The following GRIK2 variants were observed in gnomAD, a reference collection of about 807,000 sequenced individuals.
The protein encoded by GRIK2 is glutamate ionotropic receptor kainate type subunit 2.
In GRIK2, 32 loss-of-function variants were observed where a neutral mutation model predicts 100.3. The observed-to-expected ratio is 0.32, with a 90% CI of 0.24 to 0.43. The LOEUF is 0.43. Ranked by LOEUF, GRIK2 falls within the 20% of genes least tolerant of loss-of-function variation. GRIK2 has a pLI of 1.00. For synonymous variants in GRIK2, 417 were observed against 389.4 expected (o/e 1.07, Z -0.83); for missense variants, 843 against 1,114.9 (o/e 0.76, Z 3.47).
Position 101,503,813 on chromosome 6 carries a change from ACT to A in GRIK2, c.115+104424_115+104425del, listed in dbSNP as rs541078023. ...TGCTTAGGACCTTTTTGCCAACCAA[ACT>A]CTATGCCTTCTTCCATGCTAGAACA... On this transcript the variant is annotated intron_variant, in intron 2 of 16. Coordinates refer to ENST00000369134, the MANE Select transcript of GRIK2 (RefSeq NM_021956.5). 9.7e-4 allele frequency among the ~76,000 whole-genome samples: 147 copies of A among 152,170 alleles called. 2 individuals carry two copies. The South Asian group carries it at 0.03, about 31-fold the overall frequency.
At chr6:101,896,997 AACACACACACACACAC>A (rs10588904) in intron 12 of GRIK2, among the ~76,000 whole-genome samples, 1 of 147,816 alleles carries the variant, frequency 6.8e-6, no homozygotes, top group East Asian at 2.0e-4. Context: ...CATTGTATTT[AACACACACACACACAC>A]ACACACACAC....
At chr6:101,770,931 G>A (rs1289141374) in intron 7 of GRIK2, among the ~76,000 whole-genome samples, 5 of 151,984 alleles carry the variant, frequency 3.3e-5, no homozygotes, top group Admixed American at 3.3e-4. Context: ...TAAATTGAAT[G>A]TTTTTCTACA....
intron 7 of GRIK2, among the ~76,000 whole-genome samples, chr6:101,757,121 C>A (rs1381162151): frequency 6.6e-6 from 1 of 152,008 alleles, no homozygotes; most frequent in East Asian, 1.9e-4. Context: ...AAAATATATG[C>A]CCTCTCATTG....
intron 11 of GRIK2, among the ~76,000 whole-genome samples, chr6:101,880,748 C>T (rs1225310959): frequency 6.6e-6 from 1 of 151,606 alleles, no homozygotes; most frequent in Non-Finnish European, 1.5e-5. Context: ...CATTTTATTC[C>T]TGGAAAAACT....
At chr6:101,429,118 C>T (rs538049629) in intron 2 of GRIK2, among the ~76,000 whole-genome samples, 1 of 152,146 alleles carries the variant, frequency 6.6e-6, no homozygotes, top group African/African-American at 2.4e-5. Context: ...GTCATAGTGA[C>T]CTTGGTGTCC....
chr6:101,886,900 A>C (rs1454708510), intron 11 of GRIK2, among the ~76,000 whole-genome samples: 2 of 132,926 alleles, frequency 1.5e-5, no homozygotes, highest in Non-Finnish European at 3.0e-5. Context: ...ATCTCGGCTC[A>C]CTGCAACCTC....
At chr6:101,425,079 G>GGTTGGTTCCAT (rs200767069) in intron 2 of GRIK2, among the ~76,000 whole-genome samples, 5,744 of 152,062 alleles carry the variant, frequency 0.038, 147 homozygotes, top group Non-Finnish European at 0.058. Context: ...TGGACATGTG[G>GGTTGGTTCCAT]GTTGGTTCCA....
At chr6:101,481,257 T>C (rs1315033461) in intron 2 of GRIK2, among the ~76,000 whole-genome samples, 8 of 152,168 alleles carry the variant, frequency 5.3e-5, no homozygotes, top group African/African-American at 1.9e-4. Flanking sequence ...ATAGGCTGTT[T>C]TTGGTATATG....
chr6:101,547,679 A>G lies in GRIK2; in HGVS notation c.116-74270A>G, dbSNP rs553984254. Among the ~76,000 whole-genome samples, 7 of 152,244 alleles carry G rather than the reference A, an allele frequency of 4.6e-5. No individual in the cohort carries two copies. The East Asian group carries it at 1.4e-3, about 29-fold the overall frequency. On this transcript the variant is annotated intron_variant, in intron 2 of 16. Transcript: ENST00000369134. ...ATTTTTCATGGCTGCATAGTATTCCATGGTGTATATGTGCCACATTTTCTT... is the reference window on the plus strand; with the variant it reads ...ATTTTTCATGGCTGCATAGTATTCCGTGGTGTATATGTGCCACATTTTCTT...
intron 2 of GRIK2, among the ~76,000 whole-genome samples, chr6:101,441,294 C>T (rs920337152): frequency 1.3e-5 from 2 of 152,058 alleles, no homozygotes; most frequent in African/African-American, 4.8e-5. Context: ...AGGGAATAGG[C>T]CCTACCAGAC....
chr6:101,871,777 T>C (rs181252191), intron 11 of GRIK2, among the ~76,000 whole-genome samples: 3 of 151,946 alleles, frequency 2.0e-5, no homozygotes, highest in African/African-American at 7.2e-5. Flanking sequence ...TCCAATCCAT[T>C]GTTGATGAGC....
At chr6:101,991,916 T>C (rs894826381) in intron 14 of GRIK2, among the ~76,000 whole-genome samples, 1 of 151,498 alleles carries the variant, frequency 6.6e-6, no homozygotes, top group Non-Finnish European at 1.5e-5. Context: ...CTGGAAATAT[T>C]TGTACATGTG....
chr6:101,451,393 A>G (rs1770671140), intron 2 of GRIK2, among the ~76,000 whole-genome samples: 1 of 151,756 alleles, frequency 6.6e-6, no homozygotes, highest in Non-Finnish European at 1.5e-5. Context: ...CTTTGAAGAC[A>G]GGGGCCGTAT....
intron 7 of GRIK2, among the ~76,000 whole-genome samples, chr6:101,789,056 TG>T (rs1426922037): frequency 6.6e-6 from 1 of 152,174 alleles, no homozygotes; most frequent in Admixed American, 6.5e-5. Flanking sequence ...TTGATGGGGT[TG>T]TTTTTTTCTT....
chr6:101,855,404 A>C (rs1396983929), intron 10 of GRIK2, among the ~76,000 whole-genome samples: 2 of 152,200 alleles, frequency 1.3e-5, no homozygotes, highest in Non-Finnish European at 2.9e-5. Flanking sequence ...AGAATAATGG[A>C]GAGTACCTTA....
At chr6:102,007,265 T>C (rs1424105921) in intron 14 of GRIK2, among the ~76,000 whole-genome samples, 1 of 151,950 alleles carries the variant, frequency 6.6e-6, no homozygotes, top group African/African-American at 2.4e-5. Context: ...GAGAAGGTAA[T>C]TGAAAAGGAG....
intron 4 of GRIK2, among the ~76,000 whole-genome samples, chr6:101,649,985 TCA>T (rs1781710517): frequency 6.6e-6 from 1 of 152,072 alleles, no homozygotes; most frequent in Non-Finnish European, 1.5e-5. Context: ...GAAGTAAATT[TCA>T]CACAGTTAAG....
chr6:101,726,505 A>G (rs1235752379), intron 7 of GRIK2, among the ~76,000 whole-genome samples: 1 of 152,024 alleles, frequency 6.6e-6, no homozygotes, highest in Non-Finnish European at 1.5e-5. Context: ...AGCAATGAGC[A>G]TAAACATTTA....
At chr6:101,693,855 A>G (rs1772285310) in intron 7 of GRIK2, among the ~76,000 whole-genome samples, 1 of 152,088 alleles carries the variant, frequency 6.6e-6, no homozygotes, top group South Asian at 2.1e-4. Flanking sequence ...GTATATGTAT[A>G]TGATCCAACA....
Sources: gnomAD v4.1 joint callset for allele counts (sites outside exome capture counted in the v4.1 genomes callset) on GRCh38, gnomAD v4.1.1 for gene constraint, MANE v1.5 for transcripts, NCBI Gene and HGNC (gene_info 2026-07-23, HGNC 2026-07-21) for gene names.